The following NBPF11 variants were observed in gnomAD, a reference collection of about 807,000 sequenced individuals.
The protein encoded by NBPF11 is NBPF family member NBPF11.
NBPF11 carries 72 observed loss-of-function variants against 93.9 expected under a neutral mutation model. The observed-to-expected ratio is 0.77, with a 90% CI of 0.63 to 0.93. NBPF11 has a LOEUF of 0.93. Among genes scored for constraint, NBPF11 ranks in the 40% least tolerant of loss-of-function variants. NBPF11 has a pLI of 0.00. For synonymous variants in NBPF11, 224 were observed against 304.9 expected (o/e 0.73, Z 2.76); for missense variants, 705 against 802.2 (o/e 0.88, Z 1.46).
chr1:148,107,525 G>C (rs1466716223), intron 19 of NBPF11, among the ~76,000 whole-genome samples, 186 bp downstream of exon 19: 2 of 152,278 alleles, frequency 1.3e-5, no homozygotes, highest in African/African-American at 2.4e-5. Context: ...TAGTAAGTTA[G>C]TAAATGACAA....
chr1:148,119,437 T>C (rs1398313593), intron 10 of NBPF11, among the ~76,000 whole-genome samples: 5 of 152,112 alleles, frequency 3.3e-5, no homozygotes, highest in Admixed American at 6.5e-5. Context: ...ATTATTGTAG[T>C]ACCCTCTGAA....
intron 15 of NBPF11, among the ~76,000 whole-genome samples, chr1:148,112,103 T>A (rs1169809975): frequency 7.7e-6 from 1 of 130,368 alleles, no homozygotes; most frequent in Non-Finnish European, 1.6e-5. Context: ...TATTCAACAT[T>A]CTTTTTTTTC....
intron 2 of NBPF11, among the ~76,000 whole-genome samples, chr1:148,141,470 A>G (rs1558165504): frequency 6.6e-6 from 1 of 152,062 alleles, no homozygotes; most frequent in South Asian, 2.1e-4. Context: ...AAAAAATAAC[A>G]TCTATTACTT....
At chr1:148,149,778 G>T (rs1459977419) in intron 1 of NBPF11, among the ~76,000 whole-genome samples, 2 of 141,522 alleles carry the variant, frequency 1.4e-5, no homozygotes, top group African/African-American at 5.5e-5. Flanking sequence ...GGAAATTAAA[G>T]ATTTAAAATT....
Position 148,120,494 on chromosome 1 carries a change from A to C in NBPF11, c.988+7T>G, listed in dbSNP as rs1416379086. 3 of 906,484 alleles carry C rather than the reference A, an allele frequency of 3.3e-6. 1 individual carries two copies. Among genetic ancestry groups the C allele is most frequent in the Middle Eastern group, 6.4e-4 (2 of 3,120 alleles). The allele number at this position is 906,484 out of a possible 1,614,324, so 56.2% of individuals were successfully genotyped here. A position where few individuals can be genotyped will look rare whatever the true frequency, so the allele number is the denominator to read the frequency against. On this transcript the variant is annotated splice_region_variant and intron_variant, in intron 10 of 23. Coordinates refer to ENST00000682118, the MANE Select transcript of NBPF11 (RefSeq NM_001385469.3). The stretch of plus-strand genomic sequence containing the variant: ...CACTTTCGTGATGGTGAGCATATAG[A>C]TCTTACTGTATTTGTTCTGCTGCTT...
chr1:148,105,981 A>G (rs1663508896), intron 21 of NBPF11, among the ~76,000 whole-genome samples, 200 bp downstream of exon 21: 1 of 145,630 alleles, frequency 6.9e-6, no homozygotes, highest in Admixed American at 6.9e-5. Context: ...GTCCACCTGC[A>G]GTAGGTTAGT....
chr1:148,107,658 G>C, intron 19 of NBPF11, 53 bp downstream of exon 19: 1 of 842,330 alleles, frequency 1.2e-6, no homozygotes, highest in Non-Finnish European at 2.1e-6. Flanking sequence ...CCCTGGACCT[G>C]GCATCTCCAG....
intron 1 of NBPF11, chr1:148,149,089 C>A: frequency 7.2e-7 from 1 of 1,388,262 alleles, no homozygotes; most frequent in East Asian, 2.5e-5. Flanking sequence ...GAGCTGGGCC[C>A]GGGGACGCCC....
chr1:148,149,222 A>T, intron 1 of NBPF11: 1 of 1,471,762 alleles, frequency 6.8e-7, no homozygotes, highest in Non-Finnish European at 9.2e-7. Flanking sequence ...GGTGCCCACC[A>T]TGGACCTGGC....
At chr1:148,116,083 C>A (rs28593174) in intron 13 of NBPF11, 85 bp from the exon 14 acceptor site, 3 of 887,654 alleles carry the variant, frequency 3.4e-6, no homozygotes, top group African/African-American at 1.8e-5. Context: ...TTTTGACAGG[C>A]GGCATTAAGA....
intron 1 of NBPF11, among the ~76,000 whole-genome samples, chr1:148,149,988 C>G (rs1311507341): frequency 1.3e-5 from 2 of 151,700 alleles, no homozygotes; most frequent in South Asian, 4.1e-4. Flanking sequence ...TCCCTGCTAA[C>G]TGATAAAACA....
chr1:148,138,752 ACTT>A (rs1383955180), intron 2 of NBPF11, among the ~76,000 whole-genome samples: 3 of 151,654 alleles, frequency 2.0e-5, no homozygotes. Flanking sequence ...TCTTATGTCT[ACTT>A]CTTCCTACAC....
At chr1:148,116,274 C>A (rs1488014201) in intron 13 of NBPF11, among the ~76,000 whole-genome samples, 189 bp downstream of exon 13, 2 of 152,032 alleles carry the variant, frequency 1.3e-5, no homozygotes, top group African/African-American at 4.8e-5. Flanking sequence ...ACGGTGCAGA[C>A]ATGACACTCG....
intron 11 of NBPF11, 130 bp downstream of exon 11, chr1:148,118,490 T>C (rs1412137005): frequency 1.3e-5 from 10 of 776,402 alleles, no homozygotes; most frequent in Non-Finnish European, 2.3e-5. Context: ...TATTTGTGTG[T>C]AGCAAACCTG....
At chr1:148,124,479 G>A (rs1425796859) in intron 6 of NBPF11, among the ~76,000 whole-genome samples, 8 of 150,072 alleles carry the variant, frequency 5.3e-5, no homozygotes, top group Non-Finnish European at 7.4e-5. Flanking sequence ...TTGAAAAGAC[G>A]AAAGAAGAAA....
At chr1:148,137,192 A>G (rs2149279906) in intron 3 of NBPF11, among the ~76,000 whole-genome samples, 1 of 152,080 alleles carries the variant, frequency 6.6e-6, no homozygotes, top group South Asian at 2.1e-4. Context: ...CACTCCATAC[A>G]TGACAGAGCT....
chr1:148,105,749 C>G (rs1341276272), intron 21 of NBPF11, among the ~76,000 whole-genome samples: 1 of 86,794 alleles, frequency 1.2e-5, no homozygotes, highest in Non-Finnish European at 2.0e-5. Context: ...CACACACAAA[C>G]ACACACACAA....
chr1:148,132,278 T>G (rs1670525914), intron 4 of NBPF11, among the ~76,000 whole-genome samples: 1 of 147,106 alleles, frequency 6.8e-6, no homozygotes, highest in Non-Finnish European at 1.5e-5. Flanking sequence ...CATATATATA[T>G]GTCCTAAGAA....
intron 4 of NBPF11, among the ~76,000 whole-genome samples, chr1:148,131,404 G>A (rs1433905408): frequency 2.0e-5 from 3 of 151,960 alleles, no homozygotes; most frequent in African/African-American, 7.3e-5. Flanking sequence ...GATTTAGCAG[G>A]AGACAAGATA....
Sources: allele counts gnomAD v4.1 joint callset (sites outside exome capture counted in the v4.1 genomes callset), GRCh38; gene constraint gnomAD v4.1.1; transcripts MANE v1.5; gene names NCBI Gene and HGNC (gene_info 2026-07-23, HGNC 2026-07-21).